Variants in HPGD observed in about 807,000 individuals in gnomAD.
HPGD encodes 15-hydroxyprostaglandin dehydrogenase [NAD(+)].
Under a neutral mutation model 30.0 loss-of-function variants are expected in HPGD, and 29 were observed. The ratio of observed to expected loss-of-function variants is 0.97; its 90% CI spans 0.72 to 1.32. The LOEUF (loss-of-function observed/expected upper bound fraction) is 1.32, where lower values mean the gene tolerates loss of function less well. Ranked by LOEUF, HPGD falls within the 40% of genes most tolerant of loss-of-function variation. HPGD has a pLI of 0.00. For missense variants in HPGD, 340 were observed against 322.1 expected, an observed-to-expected ratio of 1.06 and a Z score of -0.43; for synonymous variants, 99 against 112.4, an observed-to-expected ratio of 0.88 and a Z score of 0.75.
intron 3 of HPGD, among the ~76,000 whole-genome samples, chr4:174,510,951 G>C (rs1259990173): frequency 5.3e-5 from 8 of 152,086 alleles, no homozygotes; most frequent in African/African-American, 1.7e-4. Flanking sequence ...AGAAAATGTA[G>C]ATTTTGATGC....
At chr4:174,501,695 C>A (rs139670943) in intron 4 of HPGD, among the ~76,000 whole-genome samples, 2 of 151,782 alleles carry the variant, frequency 1.3e-5, no homozygotes, top group African/African-American at 4.8e-5. Context: ...ATTAGACTGA[C>A]GAAATAATAT....
rs746051622 is a variant in HPGD, at chr4:174,494,753, G to T, written c.498+795C>A. ...GAGACCCCCTACAACTGTTCTTTCC[G>T]CTTTTACACTTGTCTTTTGTAACAC... On this transcript the variant is annotated intron_variant, in intron 5 of 6. Coordinates refer to ENST00000296522, the MANE Select transcript of HPGD (RefSeq NM_000860.6). The surrounding 1 kb of genome is among the most constrained non-coding windows in gnomAD (Gnocchi z 4.9). Among the ~76,000 whole-genome samples, 1 of 151,806 alleles carries T rather than the reference G, an allele frequency of 6.6e-6. No homozygotes were observed. Among genetic ancestry groups the T allele is most frequent in the Non-Finnish European group, 1.5e-5 (1 of 67,956 alleles).
intron 4 of HPGD, among the ~76,000 whole-genome samples, chr4:174,500,156 A>G (rs1444469665): frequency 1.3e-5 from 2 of 152,216 alleles, no homozygotes; most frequent in East Asian, 3.9e-4. Context: ...AACGAAAAAG[A>G]AAATATGATA....
chr4:174,505,805 A>G (rs1735158400), intron 4 of HPGD, among the ~76,000 whole-genome samples: 1 of 152,166 alleles, frequency 6.6e-6, no homozygotes, highest in African/African-American at 2.4e-5. Flanking sequence ...AACTTCTGAA[A>G]ATGGAGAGAG....
intron 3 of HPGD, among the ~76,000 whole-genome samples, chr4:174,517,467 T>C (rs45548931): frequency 0.04 from 6,164 of 152,302 alleles, 179 homozygotes; most frequent in Non-Finnish European, 0.062. Context: ...TTTTAGTCAT[T>C]GAATGCCACA....
At chr4:174,521,225 C>CAAA (rs35013459) in intron 2 of HPGD, among the ~76,000 whole-genome samples, 14 of 76,816 alleles carry the variant, frequency 1.8e-4, no homozygotes, top group African/African-American at 4.5e-4. Flanking sequence ...AATAGATGTA[C>CAAA]AAAAAAAAAA....
intron 3 of HPGD, among the ~76,000 whole-genome samples, chr4:174,513,666 C>A (rs1371253457): frequency 6.6e-6 from 1 of 151,732 alleles, no homozygotes; most frequent in African/African-American, 2.4e-5. Context: ...TAAGATCTCA[C>A]AATAAACCAT....
chr4:174,509,716 C>T (rs1320894632), intron 3 of HPGD, among the ~76,000 whole-genome samples: 7 of 152,232 alleles, frequency 4.6e-5, no homozygotes, highest in South Asian at 2.1e-4. Context: ...TCCTCAACTC[C>T]GTGTTGTGTG....
At chr4:174,512,698 A>G (rs1243207726) in intron 3 of HPGD, among the ~76,000 whole-genome samples, 2 of 152,222 alleles carry the variant, frequency 1.3e-5, no homozygotes, top group South Asian at 2.1e-4. Context: ...TTTAAGTAAT[A>G]CATTGGTAAC....
At chr4:174,495,937 G>GA (rs1335935746) in intron 4 of HPGD, 1 of 315,688 alleles carries the variant, frequency 3.2e-6, no homozygotes, top group Non-Finnish European at 6.0e-6. Context: ...AAAACACAAA[G>GA]AAAATCATCT....
At chr4:174,509,333 T>A (rs1735356430) in intron 3 of HPGD, among the ~76,000 whole-genome samples, 1 of 152,200 alleles carries the variant, frequency 6.6e-6, no homozygotes, top group Admixed American at 6.5e-5. Context: ...CCTCTCCATA[T>A]AATACGAGGA....
intron 4 of HPGD, chr4:174,507,089 T>C (rs1735228001): frequency 6.6e-6 from 1 of 152,218 alleles, no homozygotes; most frequent in African/African-American, 2.4e-5. Flanking sequence ...TTCAAAATAG[T>C]ATAGATTTAG....
At chr4:174,493,462 A>C (rs1444892686) in intron 5 of HPGD, 148 bp from the exon 6 acceptor site, 2 of 708,202 alleles carry the variant, frequency 2.8e-6, no homozygotes, top group African/African-American at 3.6e-5. Flanking sequence ...GTAAATAGAT[A>C]GTAAAATAAC....
intron 4 of HPGD, among the ~76,000 whole-genome samples, chr4:174,501,745 G>A (rs191644083): frequency 1.6e-3 from 233 of 144,244 alleles, no homozygotes; most frequent in Non-Finnish European, 3.0e-3. Flanking sequence ...TAAAATATCT[G>A]AAAATTACAT....
Position 174,508,688 on chromosome 4 carries a change from G to A in HPGD, c.421+8C>T, listed in dbSNP as rs772374140. ...AAATGTTACATTTAATGTAATAATT[G>A]CCCTTACCTGCTAAAGATGACATAT... is the stretch of plus-strand genomic sequence containing the variant. On this transcript the variant is annotated splice_region_variant and intron_variant, in intron 4 of 6. Transcript: ENST00000296522. 13 of 1,495,658 alleles carry A rather than the reference G, an allele frequency of 8.7e-6. No individual in the cohort carries two copies. The highest frequency in any genetic ancestry group is 5.0e-5 in the Admixed American group (3 of 59,852). The allele number at this position is 1,495,658 out of a possible 1,614,324, so 92.6% of individuals were successfully genotyped here.
chr4:174,500,968 A>G (rs914800160), intron 4 of HPGD, among the ~76,000 whole-genome samples: 3 of 152,220 alleles, frequency 2.0e-5, no homozygotes, highest in Non-Finnish European at 4.4e-5. Flanking sequence ...AATGCCACAA[A>G]TCTGGTATAG....
At chr4:174,504,105 G>A (rs45593131) in intron 4 of HPGD, among the ~76,000 whole-genome samples, 15,320 of 152,120 alleles carry the variant, frequency 0.1, 934 homozygotes, top group Middle Eastern at 0.14. Flanking sequence ...TACAGCTCTT[G>A]GGGTAGAAAC....
intron 4 of HPGD, among the ~76,000 whole-genome samples, chr4:174,502,778 TGACTCA>T (rs1340364187): frequency 6.6e-6 from 1 of 152,116 alleles, no homozygotes; most frequent in African/African-American, 2.4e-5. Context: ...CAATTTCTAG[TGACTCA>T]GACAGTTGCT....
At chr4:174,502,665 G>A (rs1172150301) in intron 4 of HPGD, among the ~76,000 whole-genome samples, 5 of 109,136 alleles carry the variant, frequency 4.6e-5, no homozygotes, top group African/African-American at 7.0e-5. Context: ...GCGACAGAGC[G>A]AGACTCCGTC....
Sources: gnomAD v4.1 joint callset for allele counts (sites outside exome capture counted in the v4.1 genomes callset) on GRCh38, gnomAD v4.1.1 for gene constraint, Gnocchi (gnomAD v3.1) non-coding constraint, MANE v1.5 for transcripts, NCBI Gene and HGNC (gene_info 2026-07-23, HGNC 2026-07-21) for gene names.